Variants in NCKAP5 observed in about 807,000 individuals in gnomAD.
NCKAP5 encodes the protein nck-associated protein 5.
A neutral mutation model predicts 167.0 loss-of-function variants in NCKAP5; 92 were observed. The observed-to-expected ratio is 0.55, with a 90% CI of 0.47 to 0.66. The LOEUF is 0.66. Among genes scored for constraint, NCKAP5 ranks in the 30% least tolerant of loss-of-function variants. The probability of loss-of-function intolerance (pLI) is 0.00; values close to 1 mark genes in which losing one functional copy is unlikely to be tolerated. For missense variants in NCKAP5, 2,378 were observed against 2,315.0 expected (o/e 1.03, Z -0.56); for synonymous variants, 891 against 877.4 (o/e 1.02, Z -0.27).
chr2:133,669,708 A>G, the NCKAP5 span, among the ~76,000 whole-genome samples: 1 of 152,210 alleles, frequency 6.6e-6, no homozygotes, highest in Non-Finnish European at 1.5e-5. Flanking sequence ...GCATGGGTGG[A>G]GCGTTGTCCA....
intron 3 of NCKAP5, among the ~76,000 whole-genome samples, chr2:133,410,600 G>A (rs2151056592): frequency 6.6e-6 from 1 of 152,250 alleles, no homozygotes; most frequent in South Asian, 2.1e-4. Context: ...ATGCAGCTCT[G>A]TGCTTCTCAG....
chr2:132,769,667 C>T (rs1681851572), intron 16 of NCKAP5, among the ~76,000 whole-genome samples: 1 of 152,168 alleles, frequency 6.6e-6, no homozygotes, highest in Non-Finnish European at 1.5e-5. Context: ...ATGCTCAGTC[C>T]TCTTTTCCCA....
intron 3 of NCKAP5, among the ~76,000 whole-genome samples, chr2:133,398,648 A>C (rs1284540848): frequency 6.6e-6 from 1 of 152,216 alleles, no homozygotes; most frequent in African/African-American, 2.4e-5. Flanking sequence ...GTTGGAGAGC[A>C]TAAAAAATAG....
chr2:132,740,614 T>G (rs915495440), intron 16 of NCKAP5, among the ~76,000 whole-genome samples: 1 of 152,148 alleles, frequency 6.6e-6, no homozygotes, highest in Non-Finnish European at 1.5e-5. Flanking sequence ...GATGACCTTC[T>G]GGAAGGGTAA....
At chr2:133,651,294 T>C in the NCKAP5 span, among the ~76,000 whole-genome samples, 1 of 152,196 alleles carries the variant, frequency 6.6e-6, no homozygotes, top group African/African-American at 2.4e-5. Flanking sequence ...CTCCTGCTAT[T>C]CAAGAGTAAA....
At chr2:133,252,468 T>C (rs2088395587) in intron 4 of NCKAP5, among the ~76,000 whole-genome samples, 3 of 152,260 alleles carry the variant, frequency 2.0e-5, no homozygotes, top group Admixed American at 6.5e-5. Flanking sequence ...TCACAACTCA[T>C]AGACATCCTA....
At chr2:132,970,223 A>C (rs1428784840) in intron 7 of NCKAP5, among the ~76,000 whole-genome samples, 1 of 152,074 alleles carries the variant, frequency 6.6e-6, no homozygotes, top group African/African-American at 2.4e-5. Flanking sequence ...AACTTATTTT[A>C]ATCAGAAAAA....
chr2:133,573,431 T>G (rs1229768072), upstream of NCKAP5, among the ~76,000 whole-genome samples: 1 of 152,196 alleles, frequency 6.6e-6, no homozygotes, highest in East Asian at 1.9e-4. Context: ...TGATACAGCC[T>G]ACATCTGCTG....
intron 3 of NCKAP5, among the ~76,000 whole-genome samples, chr2:133,444,375 GAT>G (rs1691053260): frequency 6.7e-6 from 1 of 150,184 alleles, no homozygotes; most frequent in Non-Finnish European, 1.5e-5. Flanking sequence ...TAGATAGATA[GAT>G]AGATAGATAG....
intron 3 of NCKAP5, among the ~76,000 whole-genome samples, chr2:133,325,442 G>T (rs974648995): frequency 6.6e-6 from 1 of 152,204 alleles, no homozygotes; most frequent in Non-Finnish European, 1.5e-5. Context: ...CAGGGACTTT[G>T]TGATGTTTCC....
chr2:132,809,396 C>T (rs554328225), intron 11 of NCKAP5, among the ~76,000 whole-genome samples: 6 of 151,946 alleles, frequency 3.9e-5, no homozygotes, highest in East Asian at 1.9e-4. Flanking sequence ...ATTGGGTTGC[C>T]GTCCATCTCA....
At chr2:132,866,256 C>T (rs1690342938) in intron 10 of NCKAP5, among the ~76,000 whole-genome samples, 1 of 152,104 alleles carries the variant, frequency 6.6e-6, no homozygotes, top group Non-Finnish European at 1.5e-5. Flanking sequence ...AAAACAAACC[C>T]AAAACACTGA....
In NCKAP5 at chr2:133,463,024, C is replaced by T. The variant is rs148558731; in HGVS notation, c.69+54434G>A. ...ATGTGAACTCTGGAGCGATTAGTCG[C>T]TAATATCAACATTGGTGCACAGTCT... On this transcript the variant is annotated intron_variant, in intron 3 of 19. Coordinates refer to ENST00000409261, the MANE Select transcript of NCKAP5 (RefSeq NM_207363.3). Among the ~76,000 whole-genome samples the T allele has an allele frequency of 6.6e-5, 10 of 152,288 alleles. No homozygotes were observed. In the East Asian group the frequency reaches 1.9e-3, roughly 29 times the overall value.
intron 2 of NCKAP5, among the ~76,000 whole-genome samples, chr2:133,530,145 A>G (rs1685247542): frequency 6.6e-6 from 1 of 152,164 alleles, no homozygotes; most frequent in African/African-American, 2.4e-5. Flanking sequence ...TTTATTTTTA[A>G]AAGAATATAA....
chr2:132,849,045 T>A (rs1287748026), intron 11 of NCKAP5, among the ~76,000 whole-genome samples: 1 of 152,194 alleles, frequency 6.6e-6, no homozygotes, highest in Non-Finnish European at 1.5e-5. Context: ...AAAGGGCAGT[T>A]ATGATGCAGA....
At chr2:133,391,652 T>A (rs893146253) in intron 3 of NCKAP5, among the ~76,000 whole-genome samples, 1 of 152,184 alleles carries the variant, frequency 6.6e-6, no homozygotes, top group East Asian at 1.9e-4. Context: ...CCTCTAAATC[T>A]AATGTTGTGT....
intron 16 of NCKAP5, among the ~76,000 whole-genome samples, chr2:132,769,514 G>C (rs192749435): frequency 1.6e-4 from 22 of 137,708 alleles, no homozygotes; most frequent in African/African-American, 6.0e-4. Flanking sequence ...GTATTATCAG[G>C]GTGAAAATAT....
At chr2:133,051,599 G>A (rs921556516) in intron 6 of NCKAP5, among the ~76,000 whole-genome samples, 2 of 152,152 alleles carry the variant, frequency 1.3e-5, no homozygotes, top group African/African-American at 4.8e-5. Context: ...GAGTTTTCAT[G>A]CTGAGCACCT....
chr2:133,524,582 A>G (rs1327467063), intron 2 of NCKAP5, among the ~76,000 whole-genome samples: 1 of 152,084 alleles, frequency 6.6e-6, no homozygotes, highest in Non-Finnish European at 1.5e-5. Context: ...GTTGCAGAAA[A>G]CCATGACTCA....
Sources: gnomAD v4.1 joint callset for allele counts (sites outside exome capture counted in the v4.1 genomes callset) on GRCh38, gnomAD v4.1.1 for gene constraint, MANE v1.5 for transcripts, NCBI Gene and HGNC (gene_info 2026-07-23, HGNC 2026-07-21) for gene names.